The following TNS3 variants were observed in gnomAD, a reference collection of about 807,000 sequenced individuals.
The protein encoded by TNS3 is tensin-3.
TNS3 carries 45 observed loss-of-function variants against 140.9 expected under a neutral mutation model. That is an observed-to-expected ratio of 0.32 (90% confidence interval 0.25 to 0.41). The LOEUF (loss-of-function observed/expected upper bound fraction) is 0.41, where lower values mean the gene tolerates loss of function less well. TNS3 is among the 10% of genes least tolerant of loss of function. TNS3 has a pLI of 1.00. For synonymous variants in TNS3, 815 were observed against 788.4 expected, an observed-to-expected ratio of 1.03 and a Z score of -0.56; for missense variants, 1,716 against 1,906.7, an observed-to-expected ratio of 0.90 and a Z score of 1.86.
chr7:47,304,671 A>G (rs1786639816), intron 21 of TNS3, among the ~76,000 whole-genome samples, 161 bp downstream of exon 21: 4 of 152,076 alleles, frequency 2.6e-5, no homozygotes, highest in East Asian at 3.9e-4. Context: ...AGTGTCGTGC[A>G]CACAGCCCTG....
chr7:47,530,838 A>AAAAAAAAAAAAAAATATATATATATATAT, intron 1 of TNS3, among the ~76,000 whole-genome samples: 3 of 54,556 alleles, frequency 5.5e-5, no homozygotes, highest in African/African-American at 7.9e-5. Context: ...AAAAAAAAAA[A>AAAAAAAAAAAAAAATATATATATATATAT]ATATATATAT....
Position 47,303,512 on chromosome 7 carries a change from C to A in TNS3, c.2895G>T (p.Arg965=), listed in dbSNP as rs750046080. Reference sequence around the variant, plus strand: ...CAGCGCTGAGGGGACTTCCGGTGGGCCGGCCGCTCCCCAGCAGGGAAACCA... The same window carrying A: ...CAGCGCTGAGGGGACTTCCGGTGGGACGGCCGCTCCCCAGCAGGGAAACCA... ...KPMVSLLGSG[R]PTGSPLSAEF... is the part of the protein sequence containing the mutation. Residue 965 remains arginine, a synonymous_variant, in exon 22 of 31, where the codon CGG becomes CGT. Transcript: ENST00000311160. 1.2e-6 allele frequency: 2 copies of A among 1,607,750 alleles called. No homozygotes were observed. The highest frequency in any genetic ancestry group is 1.1e-5 in the South Asian group (1 of 90,748).
In TNS3 at chr7:47,346,339, G is replaced by A. The variant is rs1225957798; in HGVS notation, c.2299C>T (p.Pro767Ser). Residue 767 changes from proline to serine, a missense_variant, in exon 18 of 31, where the codon CCC becomes TCC. Around this residue, in one of 3 missense-constraint regions of TNS3, gnomAD observed 1,163 missense variants for 1,182.1 expected, o/e 0.98. Coordinates refer to ENST00000311160, the MANE Select transcript of TNS3 (RefSeq NM_022748.12). ...TGRQGSSAEQ[P>S]LGGRLRKLSL... ...AGCTTCCTGAGTCTCCCGCCCAGGGGCTGTTCAGCAGAGGAGCCTGTTAAA... is the reference window on the plus strand; with the variant it reads ...AGCTTCCTGAGTCTCCCGCCCAGGGACTGTTCAGCAGAGGAGCCTGTTAAA... 5.0e-6 allele frequency: 8 copies of A among 1,614,126 alleles called. 1 individual carries two copies. In the South Asian group the frequency reaches 8.8e-5, roughly 18 times the overall value.
Position 47,292,896 on chromosome 7 carries a change from G to A in TNS3, c.3782C>T (p.Thr1261Met), listed in dbSNP as rs752923117. The A allele has an allele frequency of 1.7e-5, 28 of 1,613,908 alleles. 1 individual carries two copies. Among genetic ancestry groups the A allele is most frequent in the South Asian group, 8.8e-5 (8 of 91,066 alleles). Residue 1261 changes from threonine to methionine, a missense_variant, in exon 26 of 31, where the codon ACG becomes ATG. Physicochemically the swap from Thr to Met is moderately conservative, Grantham distance 81 (BLOSUM62 -1). Transcript: ENST00000311160. The stretch of plus-strand genomic sequence containing the variant: ...GATGGAATGCTGGCACACCAAGGCC[G>A]TCAGGCTCCCTGCAAAGTGGACAGA... ...CSNEPYFGSL[T>M]ALVCQHSITP...
intron 20 of TNS3, among the ~76,000 whole-genome samples, chr7:47,324,780 C>A (rs1210255625): frequency 6.6e-6 from 1 of 152,126 alleles, no homozygotes; most frequent in South Asian, 2.1e-4. Context: ...TTTTAAAAGT[C>A]TCTTAATAAA....
At chr7:47,542,039 C>T (rs1799802580) in intron 1 of TNS3, among the ~76,000 whole-genome samples, 1 of 151,672 alleles carries the variant, frequency 6.6e-6, no homozygotes, top group Non-Finnish European at 1.5e-5. Context: ...AAGGTCTCAG[C>T]TTCCATGCGT....
intron 28 of TNS3, among the ~76,000 whole-genome samples, chr7:47,281,555 G>A (rs1785145155): frequency 6.6e-6 from 1 of 152,222 alleles, no homozygotes; most frequent in Admixed American, 6.5e-5. Context: ...GCCACCTGCA[G>A]CCCCTCTCAA....
At chr7:47,462,407 T>C (rs1056156917) in intron 4 of TNS3, among the ~76,000 whole-genome samples, 3 of 152,206 alleles carry the variant, frequency 2.0e-5, no homozygotes, top group African/African-American at 7.2e-5. Flanking sequence ...CATAAGCCAC[T>C]GCGCCTGGCC....
chr7:47,301,765 C>G (rs556089817), intron 23 of TNS3, among the ~76,000 whole-genome samples: 9 of 152,166 alleles, frequency 5.9e-5, no homozygotes, highest in African/African-American at 2.2e-4. Context: ...CACAAACACA[C>G]AGTGTCCCTG....
At chr7:47,555,618 A>C (rs1288705360) in intron 1 of TNS3, among the ~76,000 whole-genome samples, 1 of 152,164 alleles carries the variant, frequency 6.6e-6, no homozygotes, top group East Asian at 1.9e-4. Flanking sequence ...TGCCACAGCC[A>C]CCCCAACCTT....
chr7:47,337,118 G>C (rs1342761653), intron 20 of TNS3, among the ~76,000 whole-genome samples: 1 of 152,136 alleles, frequency 6.6e-6, no homozygotes, highest in Non-Finnish European at 1.5e-5. Flanking sequence ...GGCCAGTTTA[G>C]CAAGAACCCC....
At chr7:47,562,817 A>G (rs909389143) in intron 1 of TNS3, among the ~76,000 whole-genome samples, 1 of 152,240 alleles carries the variant, frequency 6.6e-6, no homozygotes, top group African/African-American at 2.4e-5. Flanking sequence ...CAAAACAAGT[A>G]AAGTCAGTCT....
At chr7:47,426,958 C>CTA (rs1409591210) in intron 9 of TNS3, among the ~76,000 whole-genome samples, 2 of 151,816 alleles carry the variant, frequency 1.3e-5, no homozygotes, top group African/African-American at 2.4e-5. Flanking sequence ...AACCCTGTCC[C>CTA]TACTAAAAAT....
chr7:47,391,267 C>T (rs1362649011), intron 16 of TNS3, among the ~76,000 whole-genome samples: 2 of 152,170 alleles, frequency 1.3e-5, no homozygotes, highest in African/African-American at 4.8e-5. Flanking sequence ...TCCTGGTACC[C>T]AATTATGGTA....
intron 1 of TNS3, among the ~76,000 whole-genome samples, chr7:47,555,442 T>C (rs2151989417): frequency 6.6e-6 from 1 of 151,714 alleles, no homozygotes; most frequent in South Asian, 2.1e-4. Flanking sequence ...TGTAATTGTG[T>C]AAATGTAATA....
chr7:47,465,646 C>T (rs1050735970), intron 4 of TNS3, among the ~76,000 whole-genome samples: 3 of 152,074 alleles, frequency 2.0e-5, no homozygotes, highest in East Asian at 1.9e-4. Context: ...AAAGTCAAGC[C>T]GGGCACAATG....
intron 1 of TNS3, among the ~76,000 whole-genome samples, chr7:47,547,872 G>A (rs1799963609): frequency 6.6e-6 from 1 of 152,158 alleles, no homozygotes; most frequent in Non-Finnish European, 1.5e-5. Context: ...CATGCACAGC[G>A]GGCTCCAGCA....
chr7:47,330,761 G>A (rs1788289463), intron 20 of TNS3, among the ~76,000 whole-genome samples: 1 of 152,120 alleles, frequency 6.6e-6, no homozygotes, highest in Non-Finnish European at 1.5e-5. Flanking sequence ...GGCGCCCAGA[G>A]AAGACACACG....
intron 1 of TNS3, among the ~76,000 whole-genome samples, chr7:47,537,090 C>G (rs1799627114): frequency 6.6e-6 from 1 of 151,868 alleles, no homozygotes; most frequent in Non-Finnish European, 1.5e-5. Context: ...GCCCAGGGGT[C>G]AGGGCGCGCA....
Sources: allele counts gnomAD v4.1 joint callset (sites outside exome capture counted in the v4.1 genomes callset), GRCh38; gene constraint gnomAD v4.1.1; regional missense constraint gnomAD v4.1.1; transcripts MANE v1.5; gene names NCBI Gene and HGNC (gene_info 2026-07-23, HGNC 2026-07-21).